The following NHEJ1 variants were observed in gnomAD, a reference collection of about 807,000 sequenced individuals.
NHEJ1 encodes the protein non-homologous end-joining factor 1.
Under a neutral mutation model 39.4 loss-of-function variants are expected in NHEJ1, and 22 were observed. That is an observed-to-expected ratio of 0.56 (90% CI 0.40 to 0.80). NHEJ1 has a LOEUF of 0.80. NHEJ1 is among the 30% of genes least tolerant of loss of function. NHEJ1 has a pLI of 0.00. For missense variants in NHEJ1, 329 were observed against 357.1 expected, an observed-to-expected ratio of 0.92 and a Z score of 0.63; for synonymous variants, 154 against 135.6, an observed-to-expected ratio of 1.14 and a Z score of -0.94.
chr2:219,073,282 G>A lies in NHEJ1; in HGVS notation c.*3099C>T, dbSNP rs10172691. Among the ~76,000 whole-genome samples the A allele has an allele frequency of 0.23, 35,025 of 152,156 alleles. 5,419 individuals are homozygous for A. Among genetic ancestry groups the A allele is most frequent in the Non-Finnish European group, 0.35 (23,448 of 67,946 alleles). The stretch of plus-strand genomic sequence containing the variant: ...AGGAATCAGGGAAAGATGGAGACTA[G>A]AAGCTTTCTTCCTGCCTTCTCAATA... On this transcript the variant is annotated 3_prime_UTR_variant, in exon 8 of 8. Coordinates refer to ENST00000356853, the MANE Select transcript of NHEJ1 (RefSeq NM_024782.3).
At chr2:219,078,277 C>T in intron 5 of NHEJ1, 71 bp from the exon 6 acceptor site, 2 of 1,271,110 alleles carry the variant, frequency 1.6e-6, no homozygotes, top group Non-Finnish European at 1.1e-6. Context: ...ACCCCACATG[C>T]AGAACCGGCA....
intron 3 of NHEJ1, 72 bp downstream of exon 3, chr2:219,157,400 T>A: frequency 1.5e-6 from 2 of 1,357,910 alleles, no homozygotes; most frequent in Non-Finnish European, 1.0e-6. Flanking sequence ...GCAAAAAAAA[T>A]AAAAGCACCT....
intron 5 of NHEJ1, among the ~76,000 whole-genome samples, chr2:219,144,625 G>A (rs1268749863): frequency 6.6e-6 from 1 of 151,932 alleles, no homozygotes; most frequent in Non-Finnish European, 1.5e-5. Context: ...AACAGCATTG[G>A]GGCAAATTAA....
At chr2:219,103,194 CTG>C (rs200883156) in intron 5 of NHEJ1, among the ~76,000 whole-genome samples, 2,345 of 150,210 alleles carry the variant, frequency 0.016, 60 homozygotes, top group African/African-American at 0.054. Flanking sequence ...AAACTGAAAA[CTG>C]TTTTCAGATT....
chr2:219,140,827 A>G (rs981769873), intron 5 of NHEJ1, among the ~76,000 whole-genome samples: 6 of 152,232 alleles, frequency 3.9e-5, no homozygotes, highest in African/African-American at 2.4e-5. Flanking sequence ...TGGTATTTAA[A>G]GATGTTATAG....
intron 6 of NHEJ1, 118 bp from the exon 7 acceptor site, chr2:219,077,482 A>G: frequency 1.2e-6 from 1 of 836,554 alleles, no homozygotes; most frequent in Non-Finnish European, 2.0e-6. Flanking sequence ...ATATAAGCAG[A>G]CAGAAGTAGC....
At position 219,075,429 on chromosome 2, in the gene NHEJ1, G is replaced by A. The variant is rs1264409050; in HGVS notation, c.*952C>T. On this transcript the variant is annotated 3_prime_UTR_variant, in exon 8 of 8. Coordinates refer to ENST00000356853, the MANE Select transcript of NHEJ1 (RefSeq NM_024782.3). ...TATATACAGGATATTTGAATAAGGA[G>A]GCATTTAACCATCGAAAGTAAATAA... The A allele has an allele frequency of 1.3e-5, 2 of 152,156 alleles. No homozygotes were observed. The highest frequency in any genetic ancestry group is 4.8e-5 in the African/African-American group (2 of 41,422). 9.4% of individuals were successfully genotyped at this position (152,156 alleles called of 1,614,324 possible).
chr2:219,089,352 A>T (rs1214727087), intron 5 of NHEJ1, among the ~76,000 whole-genome samples: 3 of 152,236 alleles, frequency 2.0e-5, no homozygotes, highest in Non-Finnish European at 4.4e-5. Context: ...CCACCAACAG[A>T]TGAATGGATA....
In NHEJ1 at chr2:219,078,217, G is replaced by C; in HGVS notation, c.589-11C>G. 1 of 1,602,548 alleles carries C rather than the reference G, an allele frequency of 6.2e-7. No individual in the cohort carries two copies. Among genetic ancestry groups the C allele is most frequent in the Non-Finnish European group, 8.6e-7 (1 of 1,169,466 alleles). On this transcript the variant is annotated splice_polypyrimidine_tract_variant and intron_variant, in intron 5 of 7. Transcript: ENST00000356853. Reference sequence around the variant, plus strand: ...TGCCTCTGGCAGTTTCTGTAAGAGAGAGGAGATACTGTCATTGGTTACACT... The same window carrying C: ...TGCCTCTGGCAGTTTCTGTAAGAGACAGGAGATACTGTCATTGGTTACACT...
chr2:219,120,217 T>C (rs1393990648), intron 5 of NHEJ1, among the ~76,000 whole-genome samples: 1 of 152,216 alleles, frequency 6.6e-6, no homozygotes, highest in Admixed American at 6.5e-5. Flanking sequence ...TTTTCATTCA[T>C]TTAACAATTT....
intron 5 of NHEJ1, among the ~76,000 whole-genome samples, chr2:219,101,493 G>A (rs1051155818): frequency 4.6e-5 from 7 of 152,052 alleles, no homozygotes; most frequent in Admixed American, 6.5e-5. Flanking sequence ...TCACTGCAGC[G>A]TCAAACTCCT....
At chr2:219,096,696 G>C (rs1047206920) in intron 5 of NHEJ1, among the ~76,000 whole-genome samples, 5 of 152,154 alleles carry the variant, frequency 3.3e-5, no homozygotes, top group Non-Finnish European at 7.3e-5. Flanking sequence ...GATATCTGGG[G>C]CACAAGTGTT....
chr2:219,143,147 C>T (rs987542770), intron 5 of NHEJ1, among the ~76,000 whole-genome samples: 3 of 152,156 alleles, frequency 2.0e-5, no homozygotes, highest in Admixed American at 6.5e-5. Flanking sequence ...GGCCCCCCTG[C>T]GCCTTCATCT....
intron 5 of NHEJ1, among the ~76,000 whole-genome samples, chr2:219,130,985 G>A (rs755570316): frequency 1.3e-5 from 2 of 152,104 alleles, no homozygotes; most frequent in African/African-American, 2.4e-5. Context: ...CCAGCTACTC[G>A]GGAGGCTGAG....
At chr2:219,089,303 T>G (rs1490792387) in intron 5 of NHEJ1, among the ~76,000 whole-genome samples, 1 of 152,128 alleles carries the variant, frequency 6.6e-6, no homozygotes, top group Non-Finnish European at 1.5e-5. Context: ...CACAATAGCA[T>G]TATTCATAAG....
chr2:219,159,300 C>T (rs911766407), intron 1 of NHEJ1: 2 of 151,848 alleles, frequency 1.3e-5, no homozygotes, highest in South Asian at 2.1e-4. Context: ...ATCAGAACTA[C>T]GGCTGCTTGA....
chr2:219,102,984 G>A (rs949847770), intron 5 of NHEJ1, among the ~76,000 whole-genome samples: 2 of 105,748 alleles, frequency 1.9e-5, no homozygotes, highest in Admixed American at 1.4e-4. Context: ...CAGCCTGGGC[G>A]ACAGAGCGAG....
At chr2:219,078,050 T>G in intron 6 of NHEJ1, 39 bp downstream of exon 6, 1 of 1,377,566 alleles carries the variant, frequency 7.3e-7, no homozygotes, top group Non-Finnish European at 1.0e-6. Flanking sequence ...AGATCCTAAT[T>G]GTATCCTCAC....
intron 5 of NHEJ1, among the ~76,000 whole-genome samples, chr2:219,100,069 T>C (rs1405416250): frequency 6.6e-6 from 1 of 152,120 alleles, no homozygotes; most frequent in Middle Eastern, 3.2e-3. Flanking sequence ...TCGGTTATTA[T>C]GGCAAGAAGG....
Sources: gnomAD v4.1 joint callset for allele counts (sites outside exome capture counted in the v4.1 genomes callset) on GRCh38, gnomAD v4.1.1 for gene constraint, MANE v1.5 for transcripts, NCBI Gene and HGNC (gene_info 2026-07-23, HGNC 2026-07-21) for gene names.